Variants in NCAPD3 observed in about 807,000 individuals in gnomAD.
The protein encoded by NCAPD3 is condensin-2 complex subunit D3.
In NCAPD3, 105 loss-of-function variants were observed where a neutral mutation model predicts 182.9. The ratio of observed to expected loss-of-function variants is 0.57; its 90% CI spans 0.49 to 0.68. The LOEUF (loss-of-function observed/expected upper bound fraction) is 0.68, where lower values mean the gene tolerates loss of function less well. Among genes scored for constraint, NCAPD3 ranks in the 30% least tolerant of loss-of-function variants. The probability of loss-of-function intolerance (pLI) is 0.00; values close to 1 mark genes in which losing one functional copy is unlikely to be tolerated. For synonymous variants in NCAPD3, 815 were observed against 679.9 expected, an observed-to-expected ratio of 1.20 and a Z score of -3.09; for missense variants, 1,944 against 1,837.0, an observed-to-expected ratio of 1.06 and a Z score of -1.07.
intron 23 of NCAPD3, 83 bp from the exon 24 acceptor site, chr11:134,176,469 G>A (rs758774601): frequency 4.5e-5 from 53 of 1,170,042 alleles, no homozygotes; most frequent in African/African-American, 6.0e-5. Context: ...CACCCACCAC[G>A]CGGTCTGTCC....
rs1270125854 is a variant in NCAPD3, at chr11:134,150,218, A to G, written c.*2726T>C. On this transcript the variant is annotated 3_prime_UTR_variant, in exon 35 of 35. Coordinates refer to ENST00000534548, the MANE Select transcript of NCAPD3 (RefSeq NM_015261.3). ...CACATCAGACCATAGTTGCTTAGGAAACCTTTAAAAATTCCAGTTAAGCAA... is the reference window on the plus strand; with the variant it reads ...CACATCAGACCATAGTTGCTTAGGAGACCTTTAAAAATTCCAGTTAAGCAA... 2 of 152,300 alleles carry G rather than the reference A, an allele frequency of 1.3e-5. No homozygotes were observed. Among genetic ancestry groups the G allele is most frequent in the Non-Finnish European group, 2.9e-5 (2 of 68,106 alleles). 9.4% of individuals were successfully genotyped at this position (152,300 alleles called of 1,614,324 possible).
rs113292086 is a variant in NCAPD3 at position 134,153,023 on chromosome 11, C to T, written c.4418G>A (p.Arg1473Gln). Residue 1473 changes from arginine (R) to glutamine (Q), a missense_variant, in exon 35 of 35, where the codon CGG (arginine) becomes CAG (glutamine). This residue lies in a region of NCAPD3 where 1,803 missense variants were observed against 1,674.6 expected (regional missense o/e 1.08). Coordinates refer to ENST00000534548, the MANE Select transcript of NCAPD3 (RefSeq NM_015261.3). ...AGTGTCTTTATTCCTGGCGGGAGACCGCACATTCCACTGCTGAGGCTGTGG... is the reference window on the plus strand; with the variant it reads ...AGTGTCTTTATTCCTGGCGGGAGACTGCACATTCCACTGCTGAGGCTGTGG... The part of the protein sequence containing the change: ...PPPQPQQWNV[R>Q]SPARNKDTPA... 5.3e-5 allele frequency: 84 copies of T among 1,595,598 alleles called. No homozygotes were observed. The highest frequency in any genetic ancestry group is 6.7e-5 in the African/African-American group (5 of 74,424).
chr11:134,214,898 T>C (rs1258577617), intron 3 of NCAPD3, among the ~76,000 whole-genome samples: 5 of 152,198 alleles, frequency 3.3e-5, no homozygotes, highest in African/African-American at 9.6e-5. Flanking sequence ...GATACCCAGA[T>C]ACTCAAACCA....
intron 24 of NCAPD3, chr11:134,173,640 A>G (rs534410674): frequency 6.6e-6 from 1 of 152,448 alleles, no homozygotes; most frequent in East Asian, 1.9e-4. Context: ...ACTGCCCTCC[A>G]TTCAGATTGT....
Position 134,189,130 on chromosome 11 carries a change from C to T in NCAPD3, c.2045+3559G>A, listed in dbSNP as rs185930338. On this transcript the variant is annotated intron_variant, in intron 16 of 34. Transcript: ENST00000534548. ...CTGTGCCCTTTAAAAAATACTAATA[C>T]ATTCTGAATACTCTGTTTCTGAATG... Among the ~76,000 whole-genome samples, 55 of 151,910 alleles carry T rather than the reference C, an allele frequency of 3.6e-4. 1 individual carries two copies. Among genetic ancestry groups the T allele is most frequent in the Admixed American group, 7.8e-4 (12 of 15,292 alleles).
intron 32 of NCAPD3, 86 bp downstream of exon 32, chr11:134,156,932 A>C: frequency 8.4e-7 from 1 of 1,189,360 alleles, no homozygotes; most frequent in Non-Finnish European, 1.2e-6. Flanking sequence ...CCTGCACCGG[A>C]AGGAGTTTTA....
chr11:134,155,068 C>A (rs765350051), intron 32 of NCAPD3, among the ~76,000 whole-genome samples: 44 of 152,214 alleles, frequency 2.9e-4, no homozygotes, highest in South Asian at 8.3e-4. Context: ...TGACGTCCCC[C>A]ATGCACTGTG....
chr11:134,154,668 C>G (rs1246133549), intron 32 of NCAPD3, among the ~76,000 whole-genome samples: 1 of 152,048 alleles, frequency 6.6e-6, no homozygotes, highest in African/African-American at 2.4e-5. Flanking sequence ...CACCAGCACA[C>G]TCCCGGGAAC....
chr11:134,169,696 G>T (rs974110919), intron 24 of NCAPD3, among the ~76,000 whole-genome samples: 5 of 152,254 alleles, frequency 3.3e-5, no homozygotes, highest in African/African-American at 1.2e-4. Flanking sequence ...ATGCCACCAG[G>T]ACCCTACCAA....
rs937055805 is a variant in NCAPD3, at chr11:134,152,331, G to C, written c.*613C>G. The C allele has an allele frequency of 6.6e-6, 1 of 152,178 alleles. No individual in the cohort carries two copies. Among genetic ancestry groups the C allele is most frequent in the Non-Finnish European group, 1.5e-5 (1 of 68,034 alleles). 9.4% of individuals were successfully genotyped at this position (152,178 alleles called of 1,614,324 possible). ...AAGACAATCATCTTTTTTCTAATAGGGAAGATTTGGTTTCATTCCTCTAAC... is the reference window on the plus strand; with the variant it reads ...AAGACAATCATCTTTTTTCTAATAGCGAAGATTTGGTTTCATTCCTCTAAC... On this transcript the variant is annotated 3_prime_UTR_variant, in exon 35 of 35. Coordinates refer to ENST00000534548, the MANE Select transcript of NCAPD3 (RefSeq NM_015261.3).
At chr11:134,211,173 C>T (rs1937819955) in intron 3 of NCAPD3, among the ~76,000 whole-genome samples, 1 of 152,170 alleles carries the variant, frequency 6.6e-6, no homozygotes, top group South Asian at 2.1e-4. Context: ...AGAACAAACA[C>T]ACCTTAACAG....
intron 1 of NCAPD3, among the ~76,000 whole-genome samples, chr11:134,221,179 T>A (rs1420528156): frequency 6.6e-6 from 1 of 152,136 alleles, no homozygotes. Flanking sequence ...AAAAAACATA[T>A]ATAATTTCTC....
chr11:134,177,625 T>C (rs774229551), intron 22 of NCAPD3, 168 bp from the exon 23 acceptor site: 6 of 612,632 alleles, frequency 9.8e-6, no homozygotes, highest in African/African-American at 1.8e-5. Context: ...CCATCTTGAA[T>C]AGTCGAATAA....
chr11:134,187,889 G>A (rs1944443257), intron 16 of NCAPD3, among the ~76,000 whole-genome samples: 1 of 152,198 alleles, frequency 6.6e-6, no homozygotes, highest in South Asian at 2.1e-4. Context: ...TGTTTGTTCA[G>A]TTGAATAAAA....
In NCAPD3 at chr11:134,209,405, T is replaced by A. The variant is rs1195759924; in HGVS notation, c.640A>T (p.Asn214Tyr). ...FSARDLSQIR[N>Y]AIFHLLKNFL... ...TTCTTTAAAAGGTGAAAGATGGCAT[T>A]TCGAATTTGAGAAAGGTCCCGGGCA... The change falls in exon 5 of 35, where the codon AAT becomes TAT. Residue 214 changes from asparagine to tyrosine, a missense_variant. Physicochemically the swap from Asn to Tyr is moderately radical, Grantham distance 143. This residue lies in a region of NCAPD3 where 1,803 missense variants were observed against 1,674.6 expected (regional missense o/e 1.08). Coordinates refer to ENST00000534548, the MANE Select transcript of NCAPD3 (RefSeq NM_015261.3). 1.2e-6 allele frequency: 2 copies of A among 1,613,970 alleles called. No individual in the cohort carries two copies. The highest frequency in any genetic ancestry group is 1.7e-6 in the Non-Finnish European group (2 of 1,179,922).
At chr11:134,203,341 T>G in intron 11 of NCAPD3, 143 bp from the exon 12 acceptor site, 2 of 714,982 alleles carry the variant, frequency 2.8e-6, no homozygotes, top group South Asian at 1.9e-5. Flanking sequence ...AACGTTCTCC[T>G]TGGGTATGCA....
intron 24 of NCAPD3, among the ~76,000 whole-genome samples, chr11:134,170,813 A>G (rs1943988916): frequency 6.6e-6 from 1 of 152,260 alleles, no homozygotes; most frequent in African/African-American, 2.4e-5. Context: ...ATGTAGTCAC[A>G]GAGCTTTCTA....
At chr11:134,169,218 C>A (rs920003218) in intron 24 of NCAPD3, among the ~76,000 whole-genome samples, 164 bp from the exon 25 acceptor site, 1 of 152,188 alleles carries the variant, frequency 6.6e-6, no homozygotes, top group South Asian at 2.1e-4. Context: ...GACAGAAATT[C>A]AGCTATTTGG....
intron 27 of NCAPD3, among the ~76,000 whole-genome samples, chr11:134,165,386 G>A (rs1943744640): frequency 6.6e-6 from 1 of 151,180 alleles, no homozygotes; most frequent in African/African-American, 2.4e-5. Flanking sequence ...ATAAGCTTCG[G>A]GGAAGGGGCA....
Sources: allele counts gnomAD v4.1 joint callset (sites outside exome capture counted in the v4.1 genomes callset), GRCh38; gene constraint gnomAD v4.1.1; regional missense constraint gnomAD v4.1.1; transcripts MANE v1.5; gene names NCBI Gene and HGNC (gene_info 2026-07-23, HGNC 2026-07-21).